SMIM14: variants seen among roughly 807,000 people sequenced by gnomAD.
The protein encoded by SMIM14 is chromosome 4 open reading frame 34.
SMIM14 carries 5 observed loss-of-function variants against 12.6 expected under a neutral mutation model. That is an observed-to-expected ratio of 0.40 (90% CI 0.21 to 0.83). The LOEUF (loss-of-function observed/expected upper bound fraction) is 0.83, where lower values mean the gene tolerates loss of function less well. Ranked by LOEUF, SMIM14 falls within the 40% of genes least tolerant of loss-of-function variation. The probability of loss-of-function intolerance (pLI) is 0.37; values close to 1 mark genes in which losing one functional copy is unlikely to be tolerated. For synonymous variants in SMIM14, 30 were observed against 40.1 expected, an observed-to-expected ratio of 0.75 and a Z score of 0.95; for missense variants, 86 against 119.1, an observed-to-expected ratio of 0.72 and a Z score of 1.29.
chr4:39,610,527 A>G (rs1255936298), intron 1 of SMIM14, among the ~76,000 whole-genome samples: 1 of 151,818 alleles, frequency 6.6e-6, no homozygotes, highest in African/African-American at 2.4e-5. Flanking sequence ...CCATCTCCAC[A>G]CACAAAAATT....
At chr4:39,589,438 T>G (rs909643646) in intron 2 of SMIM14, 1 of 152,198 alleles carries the variant, frequency 6.6e-6, no homozygotes, top group Non-Finnish European at 1.5e-5. Flanking sequence ...CTGTTTAGAT[T>G]AAGAGTTGAA....
chr4:39,566,000 G>T (rs965837156), intron 3 of SMIM14, among the ~76,000 whole-genome samples: 1 of 151,874 alleles, frequency 6.6e-6, no homozygotes, highest in African/African-American at 2.4e-5. Context: ...ATGTGGAATT[G>T]TAAGTCCAAT....
At chr4:39,579,568 G>A (rs1010745256) in intron 2 of SMIM14, among the ~76,000 whole-genome samples, 35 of 151,942 alleles carry the variant, frequency 2.3e-4, no homozygotes, top group Non-Finnish European at 1.0e-4. Flanking sequence ...GGCAGGCCGG[G>A]AACAGGGCTC....
chr4:39,603,282 G>C (rs1425818383), intron 2 of SMIM14, among the ~76,000 whole-genome samples: 1 of 152,146 alleles, frequency 6.6e-6, no homozygotes, highest in East Asian at 1.9e-4. Context: ...AATATAGCTG[G>C]GCGCGGTGGC....
intron 2 of SMIM14, among the ~76,000 whole-genome samples, chr4:39,577,208 G>A (rs1713247426): frequency 6.6e-6 from 1 of 151,934 alleles, no homozygotes; most frequent in South Asian, 2.1e-4. Context: ...TTGATGCTAA[G>A]TAATGTACAA....
intron 2 of SMIM14, among the ~76,000 whole-genome samples, chr4:39,582,881 G>A (rs2110024894): frequency 6.6e-6 from 1 of 151,848 alleles, no homozygotes; most frequent in Admixed American, 6.6e-5. Flanking sequence ...CACAACCTCC[G>A]CCTCCCGGGT....
rs149849162 is a variant in SMIM14, at chr4:39,586,075, G to C, written c.76-13612C>G. ...TAGTTCAACCTGGCAGTTTCCTGCTGGGGGCTGGTGATTTGATTCTGCAGT... is the reference window on the plus strand; with the variant it reads ...TAGTTCAACCTGGCAGTTTCCTGCTCGGGGCTGGTGATTTGATTCTGCAGT... On this transcript the variant is annotated intron_variant, in intron 2 of 4. Coordinates refer to ENST00000295958, the MANE Select transcript of SMIM14 (RefSeq NM_174921.3). Among the ~76,000 whole-genome samples the C allele has an allele frequency of 1.1e-4, 17 of 152,108 alleles. No homozygotes were observed. In the East Asian group the frequency reaches 3.3e-3, roughly 29 times the overall value.
At chr4:39,566,933 C>G (rs149451211) in intron 3 of SMIM14, among the ~76,000 whole-genome samples, 1,945 of 151,998 alleles carry the variant, frequency 0.013, 58 homozygotes, top group East Asian at 0.12. Context: ...TACCACTACA[C>G]TCCAGCCTGG....
At chr4:39,633,934 T>A (rs568513165) in intron 1 of SMIM14, among the ~76,000 whole-genome samples, 1 of 152,314 alleles carries the variant, frequency 6.6e-6, no homozygotes, top group Non-Finnish European at 1.5e-5. Flanking sequence ...GAATGTTTTT[T>A]GTTTGTTTAT....
chr4:39,548,905 G>T lies in SMIM14; in HGVS notation c.*3221C>A, dbSNP rs1389530448. Reference sequence around the variant, plus strand: ...ATGAAGAACTAGGAATAAGAATCCAGATTTTCTGGCCAGGCACGGTGGCTC... The same window carrying T: ...ATGAAGAACTAGGAATAAGAATCCATATTTTCTGGCCAGGCACGGTGGCTC... On this transcript the variant is annotated 3_prime_UTR_variant, in exon 5 of 5. Coordinates refer to ENST00000295958, the MANE Select transcript of SMIM14 (RefSeq NM_174921.3). 1.3e-5 allele frequency: 2 copies of T among 152,132 alleles called. No individual in the cohort carries two copies. The highest frequency in any genetic ancestry group is 3.9e-4 in the East Asian group (2 of 5,190). 9.4% of individuals were successfully genotyped at this position (152,132 alleles called of 1,614,324 possible).
chr4:39,602,852 T>C (rs1203878007), intron 2 of SMIM14, among the ~76,000 whole-genome samples: 5 of 152,236 alleles, frequency 3.3e-5, no homozygotes, highest in African/African-American at 7.2e-5. Flanking sequence ...GATCACTATA[T>C]GTAGCAACAC....
At chr4:39,584,796 A>C (rs950760996) in intron 2 of SMIM14, among the ~76,000 whole-genome samples, 11 of 146,032 alleles carry the variant, frequency 7.5e-5, no homozygotes, top group African/African-American at 2.8e-4. Context: ...ACCTTGTCAA[A>C]AAAAAAAAAA....
intron 2 of SMIM14, among the ~76,000 whole-genome samples, chr4:39,583,588 G>A (rs1713627209): frequency 6.6e-6 from 1 of 152,068 alleles, no homozygotes; most frequent in Admixed American, 6.6e-5. Flanking sequence ...TCTTTCTAAT[G>A]TGGCTCCCTA....
chr4:39,636,706 CA>C (rs1198578726), intron 1 of SMIM14, among the ~76,000 whole-genome samples: 1 of 110,712 alleles, frequency 9.0e-6, no homozygotes, highest in Non-Finnish European at 2.0e-5. Flanking sequence ...AATTATAAAA[CA>C]ACCCCCCCCC....
chr4:39,583,351 G>A (rs73240611), intron 2 of SMIM14, among the ~76,000 whole-genome samples: 11,224 of 152,088 alleles, frequency 0.074, 643 homozygotes, highest in East Asian at 0.21. Flanking sequence ...TCCCACCTCA[G>A]ACTCCCAAAG....
chr4:39,603,840 G>A (rs1278093174), intron 2 of SMIM14, among the ~76,000 whole-genome samples: 5 of 150,782 alleles, frequency 3.3e-5, no homozygotes, highest in Non-Finnish European at 5.9e-5. Flanking sequence ...GTGAAACCCC[G>A]TCTCTACTAA....
chr4:39,624,655 C>G (rs1022212785), intron 1 of SMIM14, among the ~76,000 whole-genome samples: 1 of 151,538 alleles, frequency 6.6e-6, no homozygotes, highest in African/African-American at 2.4e-5. Flanking sequence ...GAAACCCCAT[C>G]TCTACTAAAA....
chr4:39,586,461 T>G (rs1437895783), intron 2 of SMIM14, among the ~76,000 whole-genome samples: 1 of 152,094 alleles, frequency 6.6e-6, no homozygotes, highest in African/African-American at 2.4e-5. Flanking sequence ...CATTGTCCAG[T>G]AACGTTCTTC....
chr4:39,635,750 T>C (rs1158396311), intron 1 of SMIM14, among the ~76,000 whole-genome samples: 8 of 152,204 alleles, frequency 5.3e-5, no homozygotes, highest in Non-Finnish European at 1.0e-4. Flanking sequence ...AGATTTAGGA[T>C]AGTTCATGGC....
Sources: gnomAD v4.1 joint callset for allele counts (sites outside exome capture counted in the v4.1 genomes callset) on GRCh38, gnomAD v4.1.1 for gene constraint, MANE v1.5 for transcripts, NCBI Gene and HGNC (gene_info 2026-07-23, HGNC 2026-07-21) for gene names.